The following PCDHGA5 variants were observed in gnomAD, a reference collection of about 807,000 sequenced individuals.
PCDHGA5 encodes protocadherin gamma-A5.
In PCDHGA5, 36 loss-of-function variants were observed where a neutral mutation model predicts 56.7. That is an observed-to-expected ratio of 0.64 (90% CI 0.49 to 0.84). PCDHGA5 has a LOEUF of 0.84. PCDHGA5 is among the 40% of genes least tolerant of loss of function. PCDHGA5 has a pLI of 0.00. For synonymous variants in PCDHGA5, 563 were observed against 520.2 expected, an observed-to-expected ratio of 1.08 and a Z score of -1.12; for missense variants, 1,305 against 1,201.5, an observed-to-expected ratio of 1.09 and a Z score of -1.27.
intron 1 of PCDHGA5, chr5:141,468,346 AAAAG>A (rs2099164910): frequency 6.8e-6 from 1 of 147,210 alleles, no homozygotes; most frequent in South Asian, 2.2e-4. Flanking sequence ...AAAAAAAAAA[AAAAG>A]AAAGAAAAAA....
In PCDHGA5 at chr5:141,422,020, G is replaced by T. The variant is rs374562798; in HGVS notation, c.2421+55269G>T. The T allele has an allele frequency of 1.3e-5, 21 of 1,610,932 alleles. No individual in the cohort carries two copies. The East Asian group carries it at 3.8e-4, about 29-fold the overall frequency. On this transcript the variant is annotated intron_variant, in intron 1 of 3. Transcript: ENST00000518069. ...CAGCTCCGGAACTCGGGTGCTGATG[G>T]TTAATGCAACGGATCCAGACGAGGG...
chr5:141,486,987 G>C lies in PCDHGA5; in HGVS notation c.2422-7820G>C, dbSNP rs1327158531. ...GACTTGGATTCAGGTTACAATGCTTGGGTTTCCTATCAGCTCCTGGAGGCC... is the reference window on the plus strand; with the variant it reads ...GACTTGGATTCAGGTTACAATGCTTCGGTTTCCTATCAGCTCCTGGAGGCC... On this transcript the variant is annotated intron_variant, in intron 1 of 3. Transcript: ENST00000518069. The surrounding 1 kb of genome is among the most constrained non-coding windows in gnomAD (Gnocchi z 5.0). The C allele has an allele frequency of 6.2e-7, 1 of 1,614,144 alleles. No homozygotes were observed. Among genetic ancestry groups the C allele is most frequent in the Admixed American group, 1.7e-5 (1 of 60,020 alleles).
intron 1 of PCDHGA5, chr5:141,371,250 A>G: frequency 6.2e-7 from 1 of 1,614,054 alleles, no homozygotes; most frequent in Non-Finnish European, 8.5e-7. Context: ...CAATATTGGC[A>G]AGGAAGTGAG....
chr5:141,506,444 CAAAAA>C (rs1219684339), intron 3 of PCDHGA5, among the ~76,000 whole-genome samples: 4 of 95,024 alleles, frequency 4.2e-5, no homozygotes, highest in Admixed American at 1.1e-4. Flanking sequence ...CGCTCTGTCT[CAAAAA>C]AAAAAAAAAA....
chr5:141,383,714 G>C, intron 1 of PCDHGA5: 1 of 1,613,972 alleles, frequency 6.2e-7, no homozygotes, highest in Non-Finnish European at 8.5e-7. Flanking sequence ...CTGGACGAGG[G>C]AGTCAATGGG....
intron 1 of PCDHGA5, among the ~76,000 whole-genome samples, chr5:141,482,554 A>T (rs997707871): frequency 4.1e-5 from 6 of 146,884 alleles, no homozygotes; most frequent in Non-Finnish European, 6.0e-5. Flanking sequence ...AAAAAAGATA[A>T]TGGAGATCTG....
At chr5:141,406,070 T>A (rs1451280596) in intron 1 of PCDHGA5, among the ~76,000 whole-genome samples, 1 of 136,270 alleles carries the variant, frequency 7.3e-6, no homozygotes, top group Admixed American at 7.2e-5. Flanking sequence ...AAATTCTTAC[T>A]CCTTTTTTTT....
rs769760594 is a variant in PCDHGA5, at chr5:141,389,212, TA to T, written c.2421+22464del. ...AGCATCACCCTGCACATTGGTGATG[TA>T]AATGACAACGCTCCGGTTTTCTCAC... On this transcript the variant is annotated intron_variant, in intron 1 of 3. Coordinates refer to ENST00000518069, the MANE Select transcript of PCDHGA5 (RefSeq NM_018918.3). 96 of 1,614,016 alleles carry T rather than the reference TA, an allele frequency of 5.9e-5. No homozygotes were observed. The East Asian group carries it at 2.0e-3, about 33-fold the overall frequency.
intron 1 of PCDHGA5, chr5:141,417,887 C>A: frequency 6.4e-7 from 1 of 1,564,888 alleles, no homozygotes; most frequent in Non-Finnish European, 8.7e-7. Context: ...GCAGAGGCGC[C>A]GGGCCGGCCC....
chr5:141,395,407 G>A (rs1467176036), intron 1 of PCDHGA5: 1 of 826,654 alleles, frequency 1.2e-6, no homozygotes, highest in Non-Finnish European at 1.8e-6. Context: ...ATAGTCATAG[G>A]TTATTGTTTC....
At chr5:141,394,577 G>A (rs757579320) in intron 1 of PCDHGA5, 5 of 1,613,986 alleles carry the variant, frequency 3.1e-6, no homozygotes, top group South Asian at 1.1e-5. Context: ...GCTACCTGGT[G>A]ACCAAGGTGG....
rs911594122 is a variant in PCDHGA5, at chr5:141,383,374, G to C, written c.2421+16623G>C. On this transcript the variant is annotated intron_variant, in intron 1 of 3. Transcript: ENST00000518069. ...TCGGTTTCCGTTAAGCGAGGCTGGGGATCCAGATGTGGGCACGAACTCCCT... is the reference window on the plus strand; with the variant it reads ...TCGGTTTCCGTTAAGCGAGGCTGGGCATCCAGATGTGGGCACGAACTCCCT... 1.2e-6 allele frequency: 2 copies of C among 1,613,910 alleles called. No homozygotes were observed. The highest frequency in any genetic ancestry group is 2.7e-5 in the African/African-American group (2 of 74,936).
chr5:141,373,437 C>A (rs1769581564), intron 1 of PCDHGA5, among the ~76,000 whole-genome samples: 1 of 152,194 alleles, frequency 6.6e-6, no homozygotes. Flanking sequence ...GTGGGAGGAT[C>A]CCTTGATCCC....
At chr5:141,414,320 A>C (rs372261571) in intron 1 of PCDHGA5, 7 of 1,613,840 alleles carry the variant, frequency 4.3e-6, no homozygotes, top group Non-Finnish European at 5.9e-6. Flanking sequence ...GACTCTGAGC[A>C]GAATGGACAG....
rs568542355 is a variant in PCDHGA5, at chr5:141,431,678, T to C, written c.2422-63129T>C. 4 of 1,614,084 alleles carry C rather than the reference T, an allele frequency of 2.5e-6. No individual in the cohort carries two copies. Among genetic ancestry groups the C allele is most frequent in the African/African-American group, 2.7e-5 (2 of 75,012 alleles). ...AGGGACAATATCAACAATAGGGGAG[T>C]TGGACCACGAGGAGTCAGGATTCTA... On this transcript the variant is annotated intron_variant, in intron 1 of 3. Transcript: ENST00000518069. The surrounding 1 kb of genome is among the most constrained non-coding windows in gnomAD (Gnocchi z 4.8).
intron 1 of PCDHGA5, among the ~76,000 whole-genome samples, chr5:141,468,193 C>T (rs2099159672): frequency 6.6e-6 from 1 of 151,600 alleles, no homozygotes; most frequent in Non-Finnish European, 1.5e-5. Flanking sequence ...GGCATGGTGG[C>T]GGGTGCCTGT....
intron 1 of PCDHGA5, chr5:141,408,066 G>T: frequency 7.3e-7 from 1 of 1,364,656 alleles, no homozygotes; most frequent in Non-Finnish European, 9.7e-7. Flanking sequence ...CGGCTGCGCA[G>T]ACCTTTCCCA....
Position 141,485,011 on chromosome 5 carries a change from C to G in PCDHGA5, c.2422-9796C>G, listed in dbSNP as rs2099605048. 3.2e-6 allele frequency: 2 copies of G among 631,064 alleles called. No homozygotes were observed. The highest frequency in any genetic ancestry group is 5.5e-5 in the East Asian group (2 of 36,662). The allele number at this position is 631,064 out of a possible 1,614,324, so 39.1% of individuals were successfully genotyped here. A position where few individuals can be genotyped will look rare whatever the true frequency, so the allele number is the denominator to read the frequency against. Reference sequence around the variant, plus strand: ...TGGTGAAAGGCAGACAAATCTACCCCGCCACCAGCAAAAACGGCGCGTAAC... The same window carrying G: ...TGGTGAAAGGCAGACAAATCTACCCGGCCACCAGCAAAAACGGCGCGTAAC... On this transcript the variant is annotated intron_variant, in intron 1 of 3. Coordinates refer to ENST00000518069, the MANE Select transcript of PCDHGA5 (RefSeq NM_018918.3). This position sits in a 1 kb window ranked among gnomAD's most constrained non-coding sequence, Gnocchi z 5.7.
intron 1 of PCDHGA5, chr5:141,399,718 C>T (rs770212703): frequency 6.2e-7 from 1 of 1,613,306 alleles, no homozygotes; most frequent in Non-Finnish European, 8.5e-7. Context: ...ACTACAGGCC[C>T]GCGACCAGGG....
Sources: allele counts gnomAD v4.1 joint callset (sites outside exome capture counted in the v4.1 genomes callset), GRCh38; gene constraint gnomAD v4.1.1; non-coding constraint Gnocchi (gnomAD v3.1); transcripts MANE v1.5; gene names NCBI Gene and HGNC (gene_info 2026-07-23, HGNC 2026-07-21).